CD226: variants seen among roughly 807,000 people sequenced by gnomAD.
CD226 encodes CD226 antigen.
In CD226, 24 loss-of-function variants were observed where a neutral mutation model predicts 34.9. The ratio of observed to expected loss-of-function variants is 0.69; its 90% CI spans 0.50 to 0.97. CD226 has a LOEUF of 0.97. CD226 is among the 50% of genes least tolerant of loss of function. The pLI is 0.00. For missense variants in CD226, 397 were observed against 412.7 expected (o/e 0.96, Z 0.33); for synonymous variants, 148 against 147.4 (o/e 1.00, Z -0.03).
chr18:69,942,081 T>G (rs2055732234), intron 2 of CD226, among the ~76,000 whole-genome samples: 1 of 152,156 alleles, frequency 6.6e-6, no homozygotes, highest in Admixed American at 6.5e-5. Context: ...TTGCTCCCCT[T>G]TTCACCATGA....
In CD226 at chr18:69,863,754, G is replaced by A. The variant is rs1348506771; in HGVS notation, c.*560C>T. On this transcript the variant is annotated 3_prime_UTR_variant, in exon 6 of 6. Transcript: ENST00000582621. ...TTGACCCTGCTTCTCAGCTCTAGAA[G>A]TGAACCCTTAGTTTACTTAAGCCAT... 1.3e-5 allele frequency: 2 copies of A among 152,452 alleles called. No homozygotes were observed. The highest frequency in any genetic ancestry group is 4.8e-5 in the African/African-American group (2 of 41,446). 9.4% of individuals were successfully genotyped at this position (152,452 alleles called of 1,614,324 possible).
rs115770587 is a variant in CD226 at position 69,914,505 on chromosome 18, G to A, written c.383-18460C>T. ...TCTCACTGAAGGGCTACAGAGTTCC[G>A]TATTTGTGCCAAGTCCTATATATTG... On this transcript the variant is annotated intron_variant, in intron 2 of 5. Transcript: ENST00000582621. 4.6e-3 allele frequency among the ~76,000 whole-genome samples: 706 copies of A among 152,278 alleles called. 6 individuals are homozygous for A. Among genetic ancestry groups the A allele is most frequent in the African/African-American group, 0.016 (666 of 41,544 alleles).
At chr18:69,894,041 GCTGA>G (rs1468839751) in intron 3 of CD226, among the ~76,000 whole-genome samples, 1 of 151,724 alleles carries the variant, frequency 6.6e-6, no homozygotes, top group Non-Finnish European at 1.5e-5. Flanking sequence ...AAATTAGCTG[GCTGA>G]AAGCATGTGG....
chr18:69,874,342 C>G (rs1322627782), intron 3 of CD226, among the ~76,000 whole-genome samples: 1 of 152,220 alleles, frequency 6.6e-6, no homozygotes, highest in East Asian at 1.9e-4. Flanking sequence ...CCACAACACA[C>G]CTCTCACCCT....
rs1468041615 is a variant in CD226 at position 69,894,037 on chromosome 18, G to A, written c.727+1664C>T. ...TCTAACATAAGTCAAAGGTAAATTAGCTGGCTGAAAGCATGTGGAAGGGAG... is the reference window on the plus strand; with the variant it reads ...TCTAACATAAGTCAAAGGTAAATTAACTGGCTGAAAGCATGTGGAAGGGAG... On this transcript the variant is annotated intron_variant, in intron 3 of 5. Coordinates refer to ENST00000582621, the MANE Select transcript of CD226 (RefSeq NM_001303618.2). Among the ~76,000 whole-genome samples, 3 of 151,702 alleles carry A rather than the reference G, an allele frequency of 2.0e-5. 1 individual carries two copies. Among genetic ancestry groups the A allele is most frequent in the Admixed American group, 2.0e-4 (3 of 15,222 alleles).
At chr18:69,918,167 C>T (rs2055408361) in intron 2 of CD226, among the ~76,000 whole-genome samples, 1 of 152,148 alleles carries the variant, frequency 6.6e-6, no homozygotes, top group African/African-American at 2.4e-5. Context: ...CCCATCACGT[C>T]CCTGAAAGAG....
At chr18:69,948,959 A>G (rs1161940138), upstream of CD226, among the ~76,000 whole-genome samples, 1 of 152,248 alleles carries the variant, frequency 6.6e-6, no homozygotes, top group South Asian at 2.1e-4. Context: ...AGCCAGAGAG[A>G]ACAAATCATT....
intron 5 of CD226, among the ~76,000 whole-genome samples, chr18:69,865,254 T>A (rs1983068606): frequency 6.6e-6 from 1 of 152,260 alleles, no homozygotes; most frequent in Admixed American, 6.5e-5. Context: ...CCTCCCAAAG[T>A]GTTGGGATTA....
intron 1 of CD226, among the ~76,000 whole-genome samples, chr18:69,954,241 A>G (rs947068867): frequency 1.3e-5 from 2 of 152,334 alleles, no homozygotes; most frequent in East Asian, 1.9e-4. Flanking sequence ...AATACAGTAC[A>G]TTAGCATAGT....
At chr18:69,929,172 A>T (rs2055559421) in intron 2 of CD226, among the ~76,000 whole-genome samples, 1 of 152,242 alleles carries the variant, frequency 6.6e-6, no homozygotes, top group African/African-American at 2.4e-5. Flanking sequence ...CCAAGCAGAA[A>T]ACTTATGGCA....
intron 2 of CD226, among the ~76,000 whole-genome samples, chr18:69,931,345 C>A (rs1033709003): frequency 2.6e-5 from 4 of 151,286 alleles, no homozygotes; most frequent in African/African-American, 9.8e-5. Flanking sequence ...AACAAACCTG[C>A]ATGTTGTGCA....
chr18:69,896,072 T>A (rs759007459), intron 2 of CD226, 27 bp from the exon 3 acceptor site: 1 of 1,586,112 alleles, frequency 6.3e-7, no homozygotes, highest in Non-Finnish European at 8.6e-7. Flanking sequence ...AATGATTAGA[T>A]ACAGGTTGTC....
At position 69,868,797 on chromosome 18, in the gene CD226, G is replaced by A. The variant is rs371304476; in HGVS notation, c.831-1386C>T. 2.8e-3 allele frequency among the ~76,000 whole-genome samples: 294 copies of A among 105,456 alleles called. 1 individual carries two copies. Among genetic ancestry groups the A allele is most frequent in the Non-Finnish European group, 4.7e-3 (233 of 49,246 alleles). The allele number at this position is 105,456 out of a possible 152,430, so 69.2% of individuals were successfully genotyped here. ...CACATGCACATGCGCACACGTGCGC[G>A]TGCACGCACACACACACACACACAC... On this transcript the variant is annotated intron_variant, in intron 4 of 5. Coordinates refer to ENST00000582621, the MANE Select transcript of CD226 (RefSeq NM_001303618.2).
chr18:69,898,065 T>C (rs1262163687), intron 2 of CD226, among the ~76,000 whole-genome samples: 1 of 149,108 alleles, frequency 6.7e-6, no homozygotes, highest in Non-Finnish European at 1.5e-5. Context: ...AAAAAGGAAA[T>C]AAAAGCTTAA....
At chr18:69,866,108 G>A (rs1039323267) in intron 5 of CD226, among the ~76,000 whole-genome samples, 2 of 152,226 alleles carry the variant, frequency 1.3e-5, no homozygotes, top group African/African-American at 4.8e-5. Flanking sequence ...GCAAAGAGCA[G>A]AAAGAGGAAG....
At position 69,856,289 on chromosome 18, in the gene CD226, A is replaced by C. The variant is rs1365608942; in HGVS notation, c.*8025T>G. ...TATATGTACTAACAAGAGTATCAAGATACATGAGACAAAAACTAACAAAAC... is the reference window on the plus strand; with the variant it reads ...TATATGTACTAACAAGAGTATCAAGCTACATGAGACAAAAACTAACAAAAC... On this transcript the variant is annotated 3_prime_UTR_variant, in exon 6 of 6. Coordinates refer to ENST00000582621, the MANE Select transcript of CD226 (RefSeq NM_001303618.2). 6.6e-6 allele frequency: 1 copy of C among 152,214 alleles called. No homozygotes were observed. The highest frequency in any genetic ancestry group is 1.5e-5 in the Non-Finnish European group (1 of 68,026). 9.4% of individuals were successfully genotyped at this position (152,214 alleles called of 1,614,324 possible).
chr18:69,898,302 A>T (rs1985417145), intron 2 of CD226, among the ~76,000 whole-genome samples: 1 of 152,170 alleles, frequency 6.6e-6, no homozygotes, highest in Non-Finnish European at 1.5e-5. Context: ...GCTCACACGC[A>T]CAACTGTTTT....
intron 2 of CD226, among the ~76,000 whole-genome samples, chr18:69,920,989 T>C (rs2055444198): frequency 6.6e-6 from 1 of 152,206 alleles, no homozygotes; most frequent in Admixed American, 6.5e-5. Flanking sequence ...ATTTGTCTTT[T>C]TCCCATCTGC....
chr18:69,951,757 T>C (rs1406378144), upstream of CD226, among the ~76,000 whole-genome samples: 1 of 152,086 alleles, frequency 6.6e-6, no homozygotes, highest in Non-Finnish European at 1.5e-5. Flanking sequence ...ACCAAGGAAA[T>C]TGAAATGATG....
Sources: allele counts gnomAD v4.1 joint callset (sites outside exome capture counted in the v4.1 genomes callset), GRCh38; gene constraint gnomAD v4.1.1; transcripts MANE v1.5; gene names NCBI Gene and HGNC (gene_info 2026-07-23, HGNC 2026-07-21).